Variants in PLCL1 observed in about 807,000 individuals in gnomAD.
PLCL1 encodes the protein inactive phospholipase C-like protein 1.
In PLCL1, 41 loss-of-function variants were observed where a neutral mutation model predicts 84.4. That is an observed-to-expected ratio of 0.49 (90% confidence interval 0.38 to 0.63). The LOEUF (loss-of-function observed/expected upper bound fraction) is 0.63, where lower values mean the gene tolerates loss of function less well. Ranked by LOEUF, PLCL1 falls within the 30% of genes least tolerant of loss-of-function variation. The pLI, the probability that PLCL1 is intolerant of heterozygous loss-of-function variation, is 0.00. For missense variants in PLCL1, 1,206 were observed against 1,367.8 expected, an observed-to-expected ratio of 0.88 and a Z score of 1.87; for synonymous variants, 490 against 488.3, an observed-to-expected ratio of 1.00 and a Z score of -0.05.
chr2:198,063,284 G>A (rs1410880244), intron 1 of PLCL1, among the ~76,000 whole-genome samples: 1 of 151,954 alleles, frequency 6.6e-6, no homozygotes, highest in East Asian at 1.9e-4. Flanking sequence ...AGCACAGATG[G>A]AAACCGAGAA....
chr2:198,137,072 T>C (rs1041823882), intron 5 of PLCL1, among the ~76,000 whole-genome samples: 1 of 152,182 alleles, frequency 6.6e-6, no homozygotes, highest in Non-Finnish European at 1.5e-5. Context: ...AGTTTTTCTT[T>C]TCTATTTGAT....
intron 5 of PLCL1, among the ~76,000 whole-genome samples, chr2:198,104,806 C>T (rs1693433185): frequency 6.6e-6 from 1 of 151,938 alleles, no homozygotes; most frequent in Admixed American, 6.6e-5. Flanking sequence ...TTTTTATATG[C>T]TTGTTGGCCG....
intron 1 of PLCL1, among the ~76,000 whole-genome samples, chr2:197,974,661 T>C (rs1217236257): frequency 6.6e-6 from 1 of 152,250 alleles, no homozygotes; most frequent in Middle Eastern, 3.2e-3. Flanking sequence ...GCTGAATTAG[T>C]GCAGAGTTTA....
intron 1 of PLCL1, among the ~76,000 whole-genome samples, chr2:197,930,659 A>C (rs919425625): frequency 6.6e-6 from 1 of 152,108 alleles, no homozygotes; most frequent in Non-Finnish European, 1.5e-5. Context: ...ACAATTGGTC[A>C]GGCCTTCTGA....
At chr2:198,103,691 A>G (rs1693400417) in intron 4 of PLCL1, 136 bp from the exon 5 acceptor site, 5 of 545,778 alleles carry the variant, frequency 9.2e-6, no homozygotes, top group Non-Finnish European at 1.6e-5. Flanking sequence ...AATGAAAAGG[A>G]TAATTCAATT....
chr2:197,893,014 C>T (rs905712139), intron 1 of PLCL1, among the ~76,000 whole-genome samples: 3 of 151,990 alleles, frequency 2.0e-5, no homozygotes, highest in African/African-American at 7.2e-5. Context: ...AACAAAAAAA[C>T]CTGAAAAACG....
At chr2:198,050,307 A>G (rs577617735) in intron 1 of PLCL1, among the ~76,000 whole-genome samples, 70 of 152,286 alleles carry the variant, frequency 4.6e-4, no homozygotes, top group Admixed American at 1.3e-3. Context: ...AAACAGAGTT[A>G]AACAAGAAAG....
chr2:197,812,997 C>T (rs752861449), intron 1 of PLCL1, among the ~76,000 whole-genome samples: 2 of 152,114 alleles, frequency 1.3e-5, no homozygotes, highest in Admixed American at 6.5e-5. Context: ...ATCTGACAGC[C>T]GATGATGAGG....
intron 1 of PLCL1, among the ~76,000 whole-genome samples, chr2:197,846,111 C>T (rs772309065): frequency 1.3e-5 from 2 of 152,024 alleles, no homozygotes; most frequent in East Asian, 1.9e-4. Context: ...AAGTACTGTT[C>T]GGAACTACGC....
At chr2:197,930,502 A>G (rs1220573249) in intron 1 of PLCL1, among the ~76,000 whole-genome samples, 1 of 152,148 alleles carries the variant, frequency 6.6e-6, no homozygotes, top group African/African-American at 2.4e-5. Flanking sequence ...AAAATGAAAT[A>G]ACTGGGTCTT....
At chr2:198,103,717 T>C (rs1243123949) in intron 4 of PLCL1, 110 bp from the exon 5 acceptor site, 1 of 571,382 alleles carries the variant, frequency 1.8e-6, no homozygotes, top group Admixed American at 3.6e-5. Context: ...ATTTGGAAAT[T>C]ATGAGAAGAC....
At chr2:197,926,771 G>A (rs1688839605) in intron 1 of PLCL1, among the ~76,000 whole-genome samples, 1 of 152,154 alleles carries the variant, frequency 6.6e-6, no homozygotes, top group African/African-American at 2.4e-5. Flanking sequence ...AAACTTAGTG[G>A]TTTAAAATAA....
chr2:198,020,109 C>T (rs1403241259), intron 1 of PLCL1, among the ~76,000 whole-genome samples: 1 of 152,208 alleles, frequency 6.6e-6, no homozygotes, highest in Non-Finnish European at 1.5e-5. Flanking sequence ...AAAGAATTTT[C>T]AACCCAGAAT....
chr2:198,084,310 G>A lies in PLCL1; in HGVS notation c.793G>A (p.Val265Ile), dbSNP rs773044815. The change falls in exon 2 of 6, where the codon GTA becomes ATA. Residue 265 changes from valine (V) to isoleucine (I), a missense_variant. Physicochemically the swap from Val to Ile is conservative, Grantham distance 29 (BLOSUM62 3). Coordinates refer to ENST00000428675, the MANE Select transcript of PLCL1 (RefSeq NM_006226.4). ...GNGIMLEDTS[V>I]ELIKQLNPTL... ...TGGGATTATGTTGGAAGACACCTCT[G>A]TAGAGTTAATAAAACAACTCAACCC... 2 of 1,614,064 alleles carry A rather than the reference G, an allele frequency of 1.2e-6. No homozygotes were observed. Among genetic ancestry groups the A allele is most frequent in the East Asian group, 2.2e-5 (1 of 44,878 alleles).
intron 1 of PLCL1, among the ~76,000 whole-genome samples, chr2:198,042,756 A>T (rs1415609531): frequency 6.6e-6 from 1 of 152,198 alleles, no homozygotes; most frequent in Non-Finnish European, 1.5e-5. Context: ...ATTTGATTTG[A>T]GGCGAATCTA....
At chr2:198,006,411 T>G (rs1026324590) in intron 1 of PLCL1, among the ~76,000 whole-genome samples, 1 of 152,170 alleles carries the variant, frequency 6.6e-6, no homozygotes, top group African/African-American at 2.4e-5. Flanking sequence ...AATTTGAATT[T>G]CAGGTAAAGG....
intron 1 of PLCL1, among the ~76,000 whole-genome samples, chr2:197,899,056 A>G (rs943720338): frequency 6.6e-6 from 1 of 152,162 alleles, no homozygotes; most frequent in Non-Finnish European, 1.5e-5. Context: ...ATATTCATTG[A>G]GTGTCTAGTA....
chr2:198,064,163 A>C (rs1302026964), intron 1 of PLCL1, among the ~76,000 whole-genome samples: 2 of 152,190 alleles, frequency 1.3e-5, no homozygotes, highest in Non-Finnish European at 2.9e-5. Flanking sequence ...TGAATAAGAA[A>C]GTTCATATAA....
At chr2:197,926,214 C>T (rs1281462624) in intron 1 of PLCL1, among the ~76,000 whole-genome samples, 2 of 152,128 alleles carry the variant, frequency 1.3e-5, no homozygotes, top group Admixed American at 6.5e-5. Flanking sequence ...CCCAAACCAA[C>T]CCTGTGGGAG....
Sources: allele counts gnomAD v4.1 joint callset (sites outside exome capture counted in the v4.1 genomes callset), GRCh38; gene constraint gnomAD v4.1.1; transcripts MANE v1.5; gene names NCBI Gene and HGNC (gene_info 2026-07-23, HGNC 2026-07-21).